USP25: variants seen among roughly 807,000 people sequenced by gnomAD.
USP25 encodes the protein ubiquitin specific peptidase 25, also known as ubiquitin carboxyl-terminal hydrolase 25.
In USP25, 85 loss-of-function variants were observed where a neutral mutation model predicts 158.5. The ratio of observed to expected loss-of-function variants is 0.54; its 90% CI spans 0.45 to 0.64. USP25 has a LOEUF of 0.64. Among genes scored for constraint, USP25 ranks in the 30% least tolerant of loss-of-function variants. The pLI, the probability that USP25 is intolerant of heterozygous loss-of-function variation, is 0.00. For synonymous variants in USP25, 464 were observed against 460.4 expected (o/e 1.01, Z -0.10); for missense variants, 1,242 against 1,327.3 (o/e 0.94, Z 1.00).
chr21:15,847,824 T>C (rs1348720997), intron 19 of USP25, 48 bp downstream of exon 19: 1 of 1,299,682 alleles, frequency 7.7e-7, no homozygotes, highest in East Asian at 2.5e-5. Context: ...TTTTGCTATT[T>C]AATACAAATA....
At chr21:15,849,340 C>T (rs2038779043) in intron 19 of USP25, among the ~76,000 whole-genome samples, 1 of 151,998 alleles carries the variant, frequency 6.6e-6, no homozygotes, top group Non-Finnish European at 1.5e-5. Context: ...CAGGGATGTG[C>T]AGGTTGTACA....
At position 15,772,562 on chromosome 21, in the gene USP25, T is replaced by G. The variant is rs2034416759; in HGVS notation, c.269-5342T>G. Among the ~76,000 whole-genome samples, 2 of 152,176 alleles carry G rather than the reference T, an allele frequency of 1.3e-5. 1 individual carries two copies. Among genetic ancestry groups the G allele is most frequent in the Non-Finnish European group, 2.9e-5 (2 of 68,024 alleles). ...TAATGCTCTGGCATTGAGATGGAAG[T>G]TTTACAAAGGCTAATTTTCTGTAAC... On this transcript the variant is annotated intron_variant, in intron 3 of 25. Transcript: ENST00000400183.
chr21:15,769,509 G>A (rs752625854), intron 3 of USP25, among the ~76,000 whole-genome samples: 14 of 152,108 alleles, frequency 9.2e-5, no homozygotes, highest in Non-Finnish European at 2.1e-4. Flanking sequence ...ATTGTCAAAT[G>A]AGTGCCTGTT....
intron 8 of USP25, among the ~76,000 whole-genome samples, 161 bp downstream of exon 8, chr21:15,809,046 T>C (rs1369112637): frequency 2.0e-5 from 3 of 152,158 alleles, no homozygotes; most frequent in Non-Finnish European, 2.9e-5. Flanking sequence ...CAAATAATAG[T>C]GTAACCAAAA....
intron 4 of USP25, among the ~76,000 whole-genome samples, chr21:15,788,895 A>T (rs2035440410): frequency 6.6e-6 from 1 of 152,124 alleles, no homozygotes. Flanking sequence ...CATCAATTAC[A>T]TGTATCTCTT....
At chr21:15,775,821 A>G (rs974724032) in intron 3 of USP25, among the ~76,000 whole-genome samples, 1 of 134,134 alleles carries the variant, frequency 7.5e-6, no homozygotes, top group Non-Finnish European at 1.5e-5. Context: ...CCTAAGTTTC[A>G]TCCAAAACCC....
At chr21:15,772,909 T>G in intron 3 of USP25, among the ~76,000 whole-genome samples, 1 of 152,184 alleles carries the variant, frequency 6.6e-6, no homozygotes, top group East Asian at 1.9e-4. Context: ...AGGATTCAGC[T>G]ATCTTTCAGG....
chr21:15,849,414 T>C (rs1045756798), intron 19 of USP25, among the ~76,000 whole-genome samples: 6 of 152,182 alleles, frequency 3.9e-5, no homozygotes, highest in African/African-American at 1.4e-4. Context: ...TGATGAGCTC[T>C]CTGAGGCTTG....
intron 14 of USP25, among the ~76,000 whole-genome samples, chr21:15,830,051 T>C (rs909101142): frequency 2.0e-5 from 3 of 152,166 alleles, no homozygotes. Flanking sequence ...CTGAACAATT[T>C]TGTAGGATTA....
intron 10 of USP25, among the ~76,000 whole-genome samples, chr21:15,819,466 A>G (rs2037119083): frequency 6.6e-6 from 1 of 152,162 alleles, no homozygotes; most frequent in African/African-American, 2.4e-5. Flanking sequence ...GCACTGTAAT[A>G]GTAAGCAAAG....
chr21:15,730,281 C>G lies in USP25; in HGVS notation c.-113C>G. On this transcript the variant is annotated 5_prime_UTR_variant, in exon 1 of 26. Transcript: ENST00000400183. Reference sequence around the variant, plus strand: ...GCCTGGCTGGCGGGGGCGCTGTCCTCCCAGGCCGTCCGCGCCGCTCCCTGG... The same window carrying G: ...GCCTGGCTGGCGGGGGCGCTGTCCTGCCAGGCCGTCCGCGCCGCTCCCTGG... 1.0e-6 allele frequency: 1 copy of G among 984,088 alleles called. No homozygotes were observed. The allele number at this position is 984,088 out of a possible 1,614,324, so 61.0% of individuals were successfully genotyped here.
At chr21:15,758,865 A>C (rs893961946) in intron 1 of USP25, among the ~76,000 whole-genome samples, 2 of 152,118 alleles carry the variant, frequency 1.3e-5, no homozygotes, top group African/African-American at 4.8e-5. Context: ...ACCCGCCCCC[A>C]TGATTCAATT....
rs182687355 is a variant in USP25 at position 15,857,487 on chromosome 21, A to G, written c.2548-6781A>G. On this transcript the variant is annotated intron_variant, in intron 20 of 25. Transcript: ENST00000400183. ...ATTAAAAATGTAATCTCATATTTCAAAATGTATTTCTTTGATCTTTGTGAG... is the reference window on the plus strand; with the variant it reads ...ATTAAAAATGTAATCTCATATTTCAGAATGTATTTCTTTGATCTTTGTGAG... Among the ~76,000 whole-genome samples, 33 of 152,238 alleles carry G rather than the reference A, an allele frequency of 2.2e-4. No individual in the cohort carries two copies. The East Asian group carries it at 6.0e-3, about 28-fold the overall frequency.
chr21:15,828,847 C>T (rs1035713766), intron 14 of USP25, among the ~76,000 whole-genome samples: 11 of 152,120 alleles, frequency 7.2e-5, no homozygotes, highest in Non-Finnish European at 1.5e-4. Flanking sequence ...CCATGTTGGC[C>T]AGGGTGGTCT....
At chr21:15,873,090 TA>T (rs1278486469) in intron 23 of USP25, among the ~76,000 whole-genome samples, 3 of 152,040 alleles carry the variant, frequency 2.0e-5, no homozygotes, top group Non-Finnish European at 4.4e-5. Flanking sequence ...CTTTATTAAA[TA>T]TTTTTTTCTT....
chr21:15,813,683 A>G (rs950897252), intron 9 of USP25, among the ~76,000 whole-genome samples: 1 of 152,138 alleles, frequency 6.6e-6, no homozygotes, highest in African/African-American at 2.4e-5. Flanking sequence ...AAAATTAAAA[A>G]CGTTATCCCC....
intron 20 of USP25, among the ~76,000 whole-genome samples, chr21:15,853,300 TAC>T (rs1194431067): frequency 4.0e-5 from 6 of 151,472 alleles, no homozygotes; most frequent in Admixed American, 1.3e-4. Flanking sequence ...TACACATGTG[TAC>T]ACACAGGTAC....
At chr21:15,792,602 CT>C (rs5842546) in intron 5 of USP25, among the ~76,000 whole-genome samples, 5,304 of 151,584 alleles carry the variant, frequency 0.035, 132 homozygotes, top group Middle Eastern at 0.14. Flanking sequence ...ACAGCTTAAA[CT>C]TTCATATGAT....
At chr21:15,824,356 A>G (rs193264196) in intron 11 of USP25, among the ~76,000 whole-genome samples, 190 bp downstream of exon 11, 2 of 152,350 alleles carry the variant, frequency 1.3e-5, no homozygotes, top group East Asian at 3.9e-4. Flanking sequence ...GAATAATGTT[A>G]TAAGGAAATT....
Sources: allele counts gnomAD v4.1 joint callset (sites outside exome capture counted in the v4.1 genomes callset), GRCh38; gene constraint gnomAD v4.1.1; transcripts MANE v1.5; gene names NCBI Gene and HGNC (gene_info 2026-07-23, HGNC 2026-07-21).